Variants in AFAP1 observed in about 807,000 individuals in gnomAD.
AFAP1 encodes actin filament associated protein 1.
Under a neutral mutation model 93.9 loss-of-function variants are expected in AFAP1, and 75 were observed. The observed-to-expected ratio is 0.80, with a 90% confidence interval of 0.66 to 0.97. AFAP1 has a LOEUF of 0.97. Among genes scored for constraint, AFAP1 ranks in the 50% least tolerant of loss-of-function variants. AFAP1 has a pLI of 0.00. For synonymous variants in AFAP1, 517 were observed against 430.7 expected (o/e 1.20, Z -2.48); for missense variants, 1,201 against 1,050.8 (o/e 1.14, Z -1.98).
chr4:7,812,505 A>T (rs987899571), intron 8 of AFAP1, among the ~76,000 whole-genome samples: 2 of 152,224 alleles, frequency 1.3e-5, no homozygotes, highest in African/African-American at 4.8e-5. Context: ...TGGGAACATG[A>T]GGAGAAAACC....
chr4:7,771,223 G>A (rs1292583561), intron 16 of AFAP1, among the ~76,000 whole-genome samples: 1 of 152,212 alleles, frequency 6.6e-6, no homozygotes, highest in Non-Finnish European at 1.5e-5. Context: ...GCACACAGAG[G>A]GAACACAGAA....
intron 1 of AFAP1, among the ~76,000 whole-genome samples, chr4:7,937,296 G>C (rs761332396): frequency 1.5e-4 from 22 of 151,474 alleles, no homozygotes; most frequent in Admixed American, 2.6e-4. Flanking sequence ...ATTTTCAAAG[G>C]CTTCCGTTAT....
At position 7,761,573 on chromosome 4, in the gene AFAP1, G is replaced by C. The variant is rs1417902198; in HGVS notation, c.*2192C>G. The C allele has an allele frequency of 6.6e-6, 1 of 152,316 alleles. No homozygotes were observed. The highest frequency in any genetic ancestry group is 1.5e-5 in the Non-Finnish European group (1 of 68,090). 9.4% of individuals were successfully genotyped at this position (152,316 alleles called of 1,614,324 possible). ...GCTGCTGCCCACCTGTGCTGGGCCA[G>C]GACCGTGACTTCAGGCTGGCCATCT... is the stretch of plus-strand genomic sequence containing the variant. On this transcript the variant is annotated 3_prime_UTR_variant, in exon 18 of 18. Coordinates refer to ENST00000420658, the MANE Select transcript of AFAP1 (RefSeq NM_001134647.2).
At chr4:7,806,062 A>G (rs771995800) in intron 9 of AFAP1, among the ~76,000 whole-genome samples, 4 of 152,216 alleles carry the variant, frequency 2.6e-5, no homozygotes, top group Non-Finnish European at 5.9e-5. Context: ...ATACGGTGAC[A>G]ATAATTCCAG....
chr4:7,933,459 G>A (rs1282048573), intron 1 of AFAP1, among the ~76,000 whole-genome samples: 3 of 152,318 alleles, frequency 2.0e-5, no homozygotes, highest in Admixed American at 1.3e-4. Context: ...TGTAATCCCA[G>A]CTACTCAGGA....
intron 3 of AFAP1, among the ~76,000 whole-genome samples, chr4:7,863,356 C>T (rs1307882921): frequency 1.3e-5 from 2 of 152,106 alleles, no homozygotes; most frequent in African/African-American, 2.4e-5. Context: ...GAAGCGGAGG[C>T]TGCAGTGAGC....
intron 6 of AFAP1, among the ~76,000 whole-genome samples, chr4:7,826,010 A>G (rs1274757880): frequency 6.6e-6 from 1 of 151,720 alleles, no homozygotes; most frequent in Non-Finnish European, 1.5e-5. Context: ...ATGAAGATGC[A>G]AAAAACCTAC....
chr4:7,800,295 G>A, intron 10 of AFAP1, 147 bp downstream of exon 10: 1 of 785,944 alleles, frequency 1.3e-6, no homozygotes, highest in Non-Finnish European at 2.1e-6. Context: ...TCATGGACTG[G>A]GCAGTGAGAG....
rs762803924 is a variant in AFAP1 at position 7,774,784 on chromosome 4, G to A, written c.2017C>T (p.Arg673Cys). The A allele has an allele frequency of 2.9e-5, 47 of 1,614,052 alleles. No homozygotes were observed. Among genetic ancestry groups the A allele is most frequent in the East Asian group, 6.7e-5 (3 of 44,898 alleles). Reference sequence around the variant, plus strand: ...GCTCGAAGGTCTTTTCTTTCCTTGCGGAGCTGGGCCAGCCTATTCCGCAGG... The same window carrying A: ...GCTCGAAGGTCTTTTCTTTCCTTGCAGAGCTGGGCCAGCCTATTCCGCAGG... ...EALRNRLAQL[R>C]KERKDLRAAI... Residue 673 changes from arginine to cysteine, a missense_variant, in exon 15 of 18, where the codon CGC (arginine) becomes TGC (cysteine). Physicochemically the swap from Arg to Cys is radical, Grantham distance 180 (BLOSUM62 -3). Coordinates refer to ENST00000420658, the MANE Select transcript of AFAP1 (RefSeq NM_001134647.2).
intron 11 of AFAP1, among the ~76,000 whole-genome samples, chr4:7,790,484 C>T (rs1717765442): frequency 6.6e-6 from 1 of 152,146 alleles, no homozygotes; most frequent in Admixed American, 6.5e-5. Context: ...TTCAGGGTTT[C>T]TCTTAAATGT....
At chr4:7,846,686 A>G (rs1310286989) in intron 4 of AFAP1, among the ~76,000 whole-genome samples, 1 of 152,190 alleles carries the variant, frequency 6.6e-6, no homozygotes, top group Non-Finnish European at 1.5e-5. Context: ...CACTTTTTAA[A>G]AACTATCTAT....
chr4:7,818,889 A>G (rs1252976594), intron 7 of AFAP1, among the ~76,000 whole-genome samples, 187 bp downstream of exon 7: 1 of 152,236 alleles, frequency 6.6e-6, no homozygotes, highest in African/African-American at 2.4e-5. Flanking sequence ...CACTAACTAC[A>G]CAGTCTGTAA....
chr4:7,838,746 C>T (rs552983965), intron 5 of AFAP1, 43 bp from the exon 6 acceptor site: 33 of 1,592,144 alleles, frequency 2.1e-5, no homozygotes, highest in African/African-American at 5.4e-5. Context: ...TAAGGGAGTT[C>T]GAACAGAAAC....
Position 7,939,799 on chromosome 4 carries a change from C to T in AFAP1, c.-146G>A. 2.9e-6 allele frequency: 1 copy of T among 341,368 alleles called. No individual in the cohort carries two copies. 21.1% of individuals were successfully genotyped at this position (341,368 alleles called of 1,614,324 possible). A position where few individuals can be genotyped will look rare whatever the true frequency, so the allele number is the denominator to read the frequency against. On this transcript the variant is annotated 5_prime_UTR_variant, in exon 1 of 18. Coordinates refer to ENST00000420658, the MANE Select transcript of AFAP1 (RefSeq NM_001134647.2). This position sits in a 1 kb window ranked among gnomAD's most constrained non-coding sequence, Gnocchi z 5.6. ...CCGCCGCCGCCTCAGCCCGTGTACC[C>T]CGCTCGAGATCCGGCTCGGCTCGCG... is the stretch of plus-strand genomic sequence containing the variant.
At chr4:7,811,980 C>T (rs909752650) in intron 8 of AFAP1, among the ~76,000 whole-genome samples, 12 of 151,482 alleles carry the variant, frequency 7.9e-5, no homozygotes, top group Admixed American at 2.0e-4. Flanking sequence ...CGTACACACC[C>T]TCTTTTAAAA....
chr4:7,788,444 TG>T (rs1322653215), intron 11 of AFAP1, among the ~76,000 whole-genome samples: 1 of 152,246 alleles, frequency 6.6e-6, no homozygotes, highest in Non-Finnish European at 1.5e-5. Context: ...CGCCCCATGC[TG>T]GGGAGGGACG....
chr4:7,867,270 G>T (rs1716533627), intron 3 of AFAP1, among the ~76,000 whole-genome samples: 1 of 152,112 alleles, frequency 6.6e-6, no homozygotes, highest in Non-Finnish European at 1.5e-5. Context: ...TCTGAGGAGG[G>T]ATTAGAGTGC....
chr4:7,877,538 C>G (rs755785888), intron 1 of AFAP1, among the ~76,000 whole-genome samples: 3 of 152,158 alleles, frequency 2.0e-5, no homozygotes, highest in Non-Finnish European at 4.4e-5. Context: ...TTATTATCCC[C>G]GTGTTGTAGG....
intron 9 of AFAP1, among the ~76,000 whole-genome samples, chr4:7,802,007 C>T (rs976714204): frequency 1.3e-5 from 2 of 148,614 alleles, no homozygotes; most frequent in Admixed American, 6.7e-5. Flanking sequence ...TTTATGTTCT[C>T]AATCTTACAC....
Sources: gnomAD v4.1 joint callset for allele counts (sites outside exome capture counted in the v4.1 genomes callset) on GRCh38, gnomAD v4.1.1 for gene constraint, Gnocchi (gnomAD v3.1) non-coding constraint, MANE v1.5 for transcripts, NCBI Gene and HGNC (gene_info 2026-07-23, HGNC 2026-07-21) for gene names.